Variants in ENKUR observed in about 807,000 individuals in gnomAD.
ENKUR encodes the protein enkurin.
A neutral mutation model predicts 27.6 loss-of-function variants in ENKUR; 19 were observed. That is an observed-to-expected ratio of 0.69 (90% CI 0.48 to 1.01). The LOEUF (loss-of-function observed/expected upper bound fraction) is 1.01. Among genes scored for constraint, ENKUR ranks in the 50% least tolerant of loss-of-function variants. ENKUR has a pLI of 0.00. For synonymous variants in ENKUR, 117 were observed against 96.9 expected (o/e 1.21, Z -1.22); for missense variants, 312 against 310.5 (o/e 1.00, Z -0.04).
intron 2 of ENKUR, chr10:25,023,686 G>C (rs761043455): frequency 1.1e-5 from 18 of 1,613,892 alleles, no homozygotes; most frequent in Admixed American, 1.7e-5. Flanking sequence ...TGTATACCTG[G>C]ATGTACCTCT....
At chr10:25,000,480 T>A (rs1225098723) in intron 1 of ENKUR, among the ~76,000 whole-genome samples, 2 of 152,278 alleles carry the variant, frequency 1.3e-5, no homozygotes, top group Non-Finnish European at 2.9e-5. Context: ...TTGCTTTATG[T>A]ATTTTGAAAC....
chr10:25,010,857 G>T (rs1209631143), intron 1 of ENKUR, among the ~76,000 whole-genome samples: 1 of 151,414 alleles, frequency 6.6e-6, no homozygotes, highest in Non-Finnish European at 1.5e-5. Context: ...TTGGACATTT[G>T]GGTTGGTTCC....
At chr10:25,042,346 T>A (rs1472473580) in intron 2 of ENKUR, among the ~76,000 whole-genome samples, 2 of 149,826 alleles carry the variant, frequency 1.3e-5, no homozygotes, top group African/African-American at 4.9e-5. Context: ...TGGAGTACAA[T>A]GGCATGATCT....
chr10:24,984,669 T>A, intron 5 of ENKUR, 67 bp downstream of exon 5: 2 of 1,444,058 alleles, frequency 1.4e-6, no homozygotes, highest in African/African-American at 1.4e-5. Context: ...AAACTTGGAG[T>A]TTTTTATATT....
intron 3 of ENKUR, among the ~76,000 whole-genome samples, chr10:24,994,609 G>A (rs1235401917): frequency 6.6e-6 from 1 of 152,116 alleles, no homozygotes; most frequent in African/African-American, 2.4e-5. Flanking sequence ...GATTACAGTT[G>A]TGAGCCACTG....
intron 1 of ENKUR, among the ~76,000 whole-genome samples, chr10:25,004,481 T>C (rs534288561): frequency 2.4e-4 from 36 of 152,314 alleles, no homozygotes; most frequent in Admixed American, 7.2e-4. Context: ...TGGTATCTCA[T>C]TGTAGTTTTG....
At chr10:24,989,348 G>A (rs556104320) in intron 4 of ENKUR, among the ~76,000 whole-genome samples, 4 of 152,294 alleles carry the variant, frequency 2.6e-5, no homozygotes, top group African/African-American at 9.6e-5. Context: ...GCTAGGCACT[G>A]GGGATGCTGC....
At chr10:25,060,884 T>A (rs1374432271) in intron 2 of ENKUR, among the ~76,000 whole-genome samples, 1 of 131,836 alleles carries the variant, frequency 7.6e-6, no homozygotes, top group Admixed American at 7.4e-5. Context: ...ATTTAAAAAG[T>A]TTTTTTTTTT....
intron 2 of ENKUR, among the ~76,000 whole-genome samples, chr10:25,038,175 G>A (rs1308860853): frequency 6.6e-6 from 1 of 152,052 alleles, no homozygotes; most frequent in Non-Finnish European, 1.5e-5. Flanking sequence ...TATAGGATAG[G>A]GTATCATAGG....
At position 24,993,707 on chromosome 10, in the gene ENKUR, C is replaced by A. The variant is rs143203401; in HGVS notation, c.447+1939G>T. Among the ~76,000 whole-genome samples the A allele has an allele frequency of 1.7e-4, 26 of 152,314 alleles. 1 individual carries two copies. The highest frequency in any genetic ancestry group is 6.3e-4 in the African/African-American group (26 of 41,572). Reference sequence around the variant, plus strand: ...AGCACTGATTGCTTAGTCAGCAACACCAAAAGGGCATTAGGTGCACAGTGC... The same window carrying A: ...AGCACTGATTGCTTAGTCAGCAACAACAAAAGGGCATTAGGTGCACAGTGC... On this transcript the variant is annotated intron_variant, in intron 3 of 5. Coordinates refer to ENST00000331161, the MANE Select transcript of ENKUR (RefSeq NM_145010.4).
intron 4 of ENKUR, among the ~76,000 whole-genome samples, chr10:24,986,653 A>C (rs1343621537): frequency 6.6e-6 from 1 of 152,200 alleles, no homozygotes; most frequent in Non-Finnish European, 1.5e-5. Context: ...CAGTCACAGC[A>C]GCTACAGTTT....
At chr10:24,997,385 T>G (rs1850087351) in intron 2 of ENKUR, among the ~76,000 whole-genome samples, 2 of 151,828 alleles carry the variant, frequency 1.3e-5, no homozygotes, top group Non-Finnish European at 2.9e-5. Context: ...TCCTTTTTTT[T>G]TTTTTTTTCC....
intron 2 of ENKUR, among the ~76,000 whole-genome samples, chr10:25,055,545 CAAAAAA>C (rs142864120): frequency 3.2e-5 from 3 of 94,350 alleles, no homozygotes; most frequent in African/African-American, 4.0e-5. Flanking sequence ...AACAAATTGG[CAAAAAA>C]AAAAAAAAAA....
At chr10:25,058,446 G>A (rs900990003) in intron 2 of ENKUR, among the ~76,000 whole-genome samples, 2 of 152,074 alleles carry the variant, frequency 1.3e-5, no homozygotes, top group Admixed American at 1.3e-4. Flanking sequence ...GGCCTCAAGC[G>A]ATCCTTCTGC....
At chr10:25,003,515 T>C (rs963169960) in intron 1 of ENKUR, among the ~76,000 whole-genome samples, 2 of 152,238 alleles carry the variant, frequency 1.3e-5, no homozygotes, top group African/African-American at 4.8e-5. Context: ...CCTGTGTTTC[T>C]ATTTCTGTAA....
chr10:25,023,331 C>G (rs750515105), intron 2 of ENKUR: 3 of 1,613,996 alleles, frequency 1.9e-6, no homozygotes, highest in African/African-American at 2.7e-5. Context: ...TTTCAAGAAC[C>G]TTTGCACTTG....
chr10:25,008,538 C>A (rs1588662278), intron 1 of ENKUR, among the ~76,000 whole-genome samples: 1 of 152,120 alleles, frequency 6.6e-6, no homozygotes, highest in Non-Finnish European at 1.5e-5. Flanking sequence ...AGAAAGTAGT[C>A]CAAGAAGGAT....
At chr10:25,014,832 T>C (rs1019843860) in intron 1 of ENKUR, among the ~76,000 whole-genome samples, 34 of 152,204 alleles carry the variant, frequency 2.2e-4, no homozygotes, top group African/African-American at 7.5e-4. Flanking sequence ...ATACTTAAAA[T>C]TGAAGAAGCT....
At chr10:25,018,828 A>G (rs578044254), upstream of ENKUR, among the ~76,000 whole-genome samples, 1 of 152,344 alleles carries the variant, frequency 6.6e-6, no homozygotes, top group Non-Finnish European at 1.5e-5. Flanking sequence ...TTTCAATTAA[A>G]TATTCGAGAT....
Sources: gnomAD v4.1 joint callset for allele counts (sites outside exome capture counted in the v4.1 genomes callset) on GRCh38, gnomAD v4.1.1 for gene constraint, MANE v1.5 for transcripts, NCBI Gene and HGNC (gene_info 2026-07-23, HGNC 2026-07-21) for gene names.